Variants in RANBP2 observed in about 807,000 individuals in gnomAD.
RANBP2 encodes E3 SUMO-protein ligase RanBP2.
A neutral mutation model predicts 303.6 loss-of-function variants in RANBP2; 57 were observed. That is an observed-to-expected ratio of 0.19 (90% CI 0.15 to 0.23). The LOEUF is 0.23. Ranked by LOEUF, RANBP2 falls within the 10% of genes least tolerant of loss-of-function variation. The pLI is 1.00. For synonymous variants in RANBP2, 1,167 were observed against 1,301.5 expected (o/e 0.90, Z 2.23); for missense variants, 3,138 against 3,780.8 (o/e 0.83, Z 4.46).
At chr2:109,613,063 A>G in the RANBP2 span, 2 of 580,930 alleles carry the variant, frequency 3.4e-6, no homozygotes, top group Non-Finnish European at 5.9e-6. Flanking sequence ...TTTGTTTTTA[A>G]GAATACACAG....
chr2:108,874,575 G>C, the RANBP2 span, among the ~76,000 whole-genome samples: 1 of 152,042 alleles, frequency 6.6e-6, no homozygotes, highest in Non-Finnish European at 1.5e-5. Flanking sequence ...TGATTCCCGT[G>C]GTAGAGAATT....
Position 108,762,075 on chromosome 2 carries a change from T to C in RANBP2, c.2603-26T>C, listed in dbSNP as rs777011613. On this transcript the variant is annotated intron_variant, in intron 18 of 28. Transcript: ENST00000283195. ...TGTAGTATAGACTTTAACAGTGTTT[T>C]CTTTATTTTCTTTTTGTTTTTTTAG... 2.5e-6 allele frequency: 4 copies of C among 1,596,560 alleles called. No individual in the cohort carries two copies. In the African/African-American group the frequency reaches 4.0e-5, roughly 16 times the overall value.
the RANBP2 span, among the ~76,000 whole-genome samples, chr2:108,830,764 C>T: frequency 1.1e-4 from 17 of 151,918 alleles, 2 homozygotes; most frequent in African/African-American, 3.1e-4. Context: ...TCTGAGATCA[C>T]GCCATTGCAC....
chr2:109,354,524 C>T, the RANBP2 span, among the ~76,000 whole-genome samples: 2 of 152,220 alleles, frequency 1.3e-5, no homozygotes, highest in East Asian at 3.9e-4. Context: ...AAATCTTAGG[C>T]ACTGGATGTG....
chr2:109,741,576 TAGG>T, the RANBP2 span, among the ~76,000 whole-genome samples: 2 of 131,804 alleles, frequency 1.5e-5, no homozygotes, highest in African/African-American at 5.8e-5. Context: ...AAAAATTAGC[TAGG>T]AGTAGTGGTG....
the RANBP2 span, among the ~76,000 whole-genome samples, chr2:109,429,534 C>T: frequency 1.3e-5 from 2 of 152,122 alleles, no homozygotes; most frequent in Non-Finnish European, 2.9e-5. Flanking sequence ...TTGGCCACAC[C>T]GGGCCTGTGC....
chr2:109,567,797 A>C, the RANBP2 span: 1 of 1,549,382 alleles, frequency 6.5e-7, no homozygotes, highest in Non-Finnish European at 8.7e-7. Flanking sequence ...CAGAATTAAC[A>C]TTCAATCAGG....
the RANBP2 span, chr2:108,895,188 CATT>C: frequency 6.6e-6 from 1 of 152,620 alleles, no homozygotes; most frequent in African/African-American, 2.4e-5. Flanking sequence ...TTCAGGACCT[CATT>C]ATGATCCTCT....
At chr2:109,094,957 T>C in the RANBP2 span, among the ~76,000 whole-genome samples, 1 of 152,372 alleles carries the variant, frequency 6.6e-6, no homozygotes, top group Admixed American at 6.5e-5. Context: ...TAGTAATCTT[T>C]TAAAAATACA....
chr2:109,049,918 G>A, the RANBP2 span, among the ~76,000 whole-genome samples: 2 of 152,210 alleles, frequency 1.3e-5, no homozygotes, highest in African/African-American at 4.8e-5. Flanking sequence ...CATCTGGTCA[G>A]AGTAAATGCT....
the RANBP2 span, among the ~76,000 whole-genome samples, chr2:109,564,916 T>C: frequency 6.6e-6 from 1 of 152,204 alleles, no homozygotes; most frequent in Non-Finnish European, 1.5e-5. Context: ...GTAATATTAG[T>C]TCACTAAAAC....
At chr2:108,944,619 T>G in the RANBP2 span, among the ~76,000 whole-genome samples, 4 of 151,836 alleles carry the variant, frequency 2.6e-5, no homozygotes, top group East Asian at 7.8e-4. Context: ...TACGAAGCCC[T>G]GCTGGGCTAA....
chr2:108,945,168 A>G, the RANBP2 span, among the ~76,000 whole-genome samples: 2 of 152,122 alleles, frequency 1.3e-5, no homozygotes, highest in Non-Finnish European at 2.9e-5. Flanking sequence ...CAACAGCTAT[A>G]GGGCACTCAG....
chr2:108,885,610 A>C, the RANBP2 span: 1 of 152,230 alleles, frequency 6.6e-6, no homozygotes, highest in Non-Finnish European at 1.5e-5. Flanking sequence ...TGTGGTGATC[A>C]AGTCACCACA....
chr2:109,288,348 A>G, the RANBP2 span, among the ~76,000 whole-genome samples: 1 of 152,224 alleles, frequency 6.6e-6, no homozygotes, highest in Non-Finnish European at 1.5e-5. Flanking sequence ...TTCTTAATGT[A>G]TTAGGGAACA....
the RANBP2 span, among the ~76,000 whole-genome samples, chr2:109,764,275 T>G: frequency 6.8e-6 from 1 of 147,936 alleles, no homozygotes; most frequent in Non-Finnish European, 1.5e-5. Flanking sequence ...TTCCGTGAGT[T>G]TACAGGGGCA....
chr2:109,242,862 T>C, the RANBP2 span, among the ~76,000 whole-genome samples: 1 of 152,194 alleles, frequency 6.6e-6, no homozygotes, highest in East Asian at 1.9e-4. Flanking sequence ...CTGCTTCAGA[T>C]TATCTATTCT....
At chr2:109,268,204 T>C in the RANBP2 span, among the ~76,000 whole-genome samples, 1 of 151,842 alleles carries the variant, frequency 6.6e-6, no homozygotes, top group South Asian at 2.1e-4. Context: ...CTAGAATAGG[T>C]TTATCTTCCC....
the RANBP2 span, chr2:108,805,008 G>A: frequency 6.7e-7 from 1 of 1,503,166 alleles, no homozygotes; most frequent in South Asian, 1.3e-5. Flanking sequence ...TAAAAAAACA[G>A]GTAAGACCTG....
Sources: allele counts gnomAD v4.1 joint callset (sites outside exome capture counted in the v4.1 genomes callset), GRCh38; gene constraint gnomAD v4.1.1; transcripts MANE v1.5; gene names NCBI Gene and HGNC (gene_info 2026-07-23, HGNC 2026-07-21).